The following SCAF4 variants were observed in gnomAD, a reference collection of about 807,000 sequenced individuals.
SCAF4 encodes the protein SR-related and CTD-associated factor 4.
Under a neutral mutation model 129.8 loss-of-function variants are expected in SCAF4, and 25 were observed. That is an observed-to-expected ratio of 0.19 (90% CI 0.14 to 0.27). SCAF4 has a LOEUF of 0.27. SCAF4 is among the 10% of genes least tolerant of loss of function. The pLI, the probability that SCAF4 is intolerant of heterozygous loss-of-function variation, is 1.00. For synonymous variants in SCAF4, 551 were observed against 497.7 expected (o/e 1.11, Z -1.43); for missense variants, 1,246 against 1,457.1 (o/e 0.86, Z 2.36).
intron 15 of SCAF4, among the ~76,000 whole-genome samples, chr21:31,688,833 A>G (rs1260705830): frequency 2.6e-5 from 4 of 152,248 alleles, no homozygotes; most frequent in African/African-American, 9.6e-5. Context: ...TCTAGAGTCC[A>G]TGTTCTTAAC....
intron 1 of SCAF4, among the ~76,000 whole-genome samples, chr21:31,709,739 G>A (rs2050755112): frequency 6.6e-6 from 1 of 151,944 alleles, no homozygotes; most frequent in Non-Finnish European, 1.5e-5. Flanking sequence ...AAGAGAAGAG[G>A]TAACCAACAT....
At chr21:31,672,734 T>C (rs147745077) in intron 19 of SCAF4, among the ~76,000 whole-genome samples, 8 of 152,334 alleles carry the variant, frequency 5.3e-5, no homozygotes, top group Non-Finnish European at 1.2e-4. Flanking sequence ...TCAGTAACTA[T>C]TCAAGCTAAC....
chr21:31,709,122 C>G (rs1269840393), intron 1 of SCAF4, among the ~76,000 whole-genome samples: 2 of 152,140 alleles, frequency 1.3e-5, no homozygotes, highest in Non-Finnish European at 2.9e-5. Context: ...TTCCTGATCC[C>G]TTCTCCTCAT....
rs2049722321 is a variant in SCAF4, at chr21:31,672,155, G to T, written c.2688C>A (p.Gly896=). The change falls in exon 20 of 20, where the codon GGC becomes GGA. Residue 896 remains glycine (G), a synonymous_variant. Coordinates refer to ENST00000286835, the MANE Select transcript of SCAF4 (RefSeq NM_020706.2). ...MHRGPPPGPG[G]FAMPPPHGMK... ...TTCCATGAGGTGGAGGCATCGCAAA[G>T]CCCCCTGGTCCTGGCGGTGGGCCTC... 6 of 1,605,224 alleles carry T rather than the reference G, an allele frequency of 3.7e-6. No individual in the cohort carries two copies. Among genetic ancestry groups the T allele is most frequent in the Non-Finnish European group, 5.1e-6 (6 of 1,173,828 alleles).
At chr21:31,678,901 A>G (rs1273661280) in intron 19 of SCAF4, among the ~76,000 whole-genome samples, 2 of 152,212 alleles carry the variant, frequency 1.3e-5, no homozygotes, top group East Asian at 1.9e-4. Flanking sequence ...CTCCAGAAAG[A>G]CAGGTTTTGT....
intron 11 of SCAF4, 110 bp downstream of exon 11, chr21:31,694,094 C>A: frequency 3.3e-6 from 2 of 611,772 alleles, no homozygotes; most frequent in Non-Finnish European, 5.7e-6. Flanking sequence ...ACAAACATAC[C>A]AACTGTTATT....
At chr21:31,674,496 C>A (rs186875738) in intron 19 of SCAF4, among the ~76,000 whole-genome samples, 1 of 152,306 alleles carries the variant, frequency 6.6e-6, no homozygotes, top group Non-Finnish European at 1.5e-5. Flanking sequence ...ATAGAATATG[C>A]CCATAGCCCC....
At chr21:31,722,602 T>C (rs2051096669) in intron 1 of SCAF4, among the ~76,000 whole-genome samples, 1 of 152,228 alleles carries the variant, frequency 6.6e-6, no homozygotes, top group Non-Finnish European at 1.5e-5. Flanking sequence ...AATAGACATT[T>C]ACATTGAATT....
rs1339453249 is a variant in SCAF4, at chr21:31,685,000, G to T, written c.2488+49C>A. On this transcript the variant is annotated intron_variant, in intron 19 of 19. Transcript: ENST00000286835. ...CTAACTTGGGGATGGGTGGGGGGGT[G>T]GGGGGGGGGTGGGGCAAGGAAAACT... The T allele has an allele frequency of 3.1e-3, 37 of 11,812 alleles. No individual in the cohort carries two copies. The East Asian group carries it at 0.21, about 68-fold the overall frequency. 0.7% of individuals were successfully genotyped at this position (11,812 alleles called of 1,614,324 possible).
At chr21:31,708,480 C>A (rs1441125014) in intron 1 of SCAF4, among the ~76,000 whole-genome samples, 1 of 151,796 alleles carries the variant, frequency 6.6e-6, no homozygotes, top group African/African-American at 2.4e-5. Flanking sequence ...AACTTAAACA[C>A]AAATTCTAAA....
Position 31,731,873 on chromosome 21 carries a change from G to A in SCAF4, c.-181C>T. ...CGGCGAGGCGGGCGGCCGAGGCAGA[G>A]GCGGAGAGGTGGCGGGCCCCCTCTC... On this transcript the variant is annotated 5_prime_UTR_variant, in exon 1 of 20. Transcript: ENST00000286835. The A allele has an allele frequency of 1.7e-6, 1 of 579,900 alleles. No individual in the cohort carries two copies. The allele number at this position is 579,900 out of a possible 1,614,324, so 35.9% of individuals were successfully genotyped here.
intron 19 of SCAF4, among the ~76,000 whole-genome samples, chr21:31,683,643 G>A (rs930736640): frequency 1.3e-5 from 2 of 151,906 alleles, no homozygotes; most frequent in African/African-American, 4.8e-5. Flanking sequence ...TCAAGGGTGT[G>A]TATGTGGGAT....
chr21:31,689,002 CCT>C (rs1345397157), intron 15 of SCAF4, among the ~76,000 whole-genome samples: 1 of 152,214 alleles, frequency 6.6e-6, no homozygotes. Flanking sequence ...TCTGCTCCGT[CCT>C]CTGAGGCTCT....
chr21:31,700,813 C>T, intron 7 of SCAF4, 182 bp downstream of exon 7: 1 of 588,264 alleles, frequency 1.7e-6, no homozygotes, highest in Non-Finnish European at 2.9e-6. Flanking sequence ...AATTTTTGCA[C>T]TGAGCACATA....
intron 4 of SCAF4, 109 bp from the exon 5 acceptor site, chr21:31,702,488 ATG>A (rs1406325558): frequency 5.2e-6 from 5 of 958,336 alleles, no homozygotes; most frequent in South Asian, 3.4e-5. Flanking sequence ...TTTCCATACT[ATG>A]TGTGTTTCAT....
intron 7 of SCAF4, among the ~76,000 whole-genome samples, chr21:31,700,457 T>A (rs2050497525): frequency 6.6e-6 from 1 of 151,916 alleles, no homozygotes; most frequent in African/African-American, 2.4e-5. Flanking sequence ...TGTCTATTAG[T>A]AGTGGAATGG....
rs1312008393 is a variant in SCAF4 at position 31,685,601 on chromosome 21, G to T, written c.2176C>A (p.Arg726Ser). 1 of 1,614,072 alleles carries T rather than the reference G, an allele frequency of 6.2e-7. No homozygotes were observed. The highest frequency in any genetic ancestry group is 8.5e-7 in the Non-Finnish European group (1 of 1,180,000). The change falls in exon 17 of 20, where the codon CGC becomes AGC. Residue 726 changes from arginine (R) to serine (S), a missense_variant. Coordinates refer to ENST00000286835, the MANE Select transcript of SCAF4 (RefSeq NM_020706.2). ...PPPPPPPPFLRPGFNPMHLPP... is the reference protein window; with the variant it reads ...PPPPPPPPFLSPGFNPMHLPP... The stretch of plus-strand genomic sequence containing the variant: ...AAATGCATTGGGTTGAATCCTGGGC[G>T]CAAAAATGGTGGAGGAGGAGGGGGA...
Position 31,672,029 on chromosome 21 carries a change from G to A in SCAF4, c.2814C>T (p.Asp938=), listed in dbSNP as rs745547313. 8.7e-6 allele frequency: 14 copies of A among 1,613,148 alleles called. No homozygotes were observed. The highest frequency in any genetic ancestry group is 2.2e-5 in the East Asian group (1 of 44,874). ...GPGPGGPEDR[D]GRQQPPQQPQ... is the part of the protein sequence containing the mutation. Reference sequence around the variant, plus strand: ...GCTGCTGCGGCGGCTGTTGCCTTCCGTCTCTGTCTTCAGGACCCCCTGGGC... The same window carrying A: ...GCTGCTGCGGCGGCTGTTGCCTTCCATCTCTGTCTTCAGGACCCCCTGGGC... The change falls in exon 20 of 20, where the codon GAC becomes GAT. Residue 938 remains aspartate, a synonymous_variant. Transcript: ENST00000286835.
chr21:31,702,542 CTAAT>C (rs892205191), intron 4 of SCAF4, among the ~76,000 whole-genome samples, 163 bp from the exon 5 acceptor site: 8 of 151,686 alleles, frequency 5.3e-5, no homozygotes, highest in Non-Finnish European at 1.2e-4. Context: ...CCTGGTTAAA[CTAAT>C]TAGTCTTTCT....
Sources: gnomAD v4.1 joint callset for allele counts (sites outside exome capture counted in the v4.1 genomes callset) on GRCh38, gnomAD v4.1.1 for gene constraint, MANE v1.5 for transcripts, NCBI Gene and HGNC (gene_info 2026-07-23, HGNC 2026-07-21) for gene names.